Variants in RFC3 observed in about 807,000 individuals in gnomAD.
RFC3 encodes replication factor C subunit 3, also known as A1 38 kDa subunit.
RFC3 carries 41 observed loss-of-function variants against 45.1 expected under a neutral mutation model. The observed-to-expected ratio is 0.91, with a 90% CI of 0.71 to 1.18. RFC3 has a LOEUF of 1.18. Ranked by LOEUF, RFC3 falls within the 50% of genes most tolerant of loss-of-function variation. The probability of loss-of-function intolerance (pLI) is 0.00; values close to 1 mark genes in which losing one functional copy is unlikely to be tolerated. For synonymous variants in RFC3, 149 were observed against 144.0 expected (o/e 1.03, Z -0.25); for missense variants, 423 against 428.1 (o/e 0.99, Z 0.10).
At chr13:33,947,217 G>A (rs2082959882) in intron 8 of RFC3, among the ~76,000 whole-genome samples, 1 of 152,060 alleles carries the variant, frequency 6.6e-6, no homozygotes, top group Non-Finnish European at 1.5e-5. Context: ...TGGACCATGG[G>A]GGTGATTTCC....
intron 8 of RFC3, among the ~76,000 whole-genome samples, chr13:33,947,038 A>G (rs1400780579): frequency 6.6e-6 from 1 of 152,234 alleles, no homozygotes. Flanking sequence ...CTTAAACCAC[A>G]TTTAGTAACA....
intron 8 of RFC3, among the ~76,000 whole-genome samples, chr13:33,907,118 C>A (rs1464985587): frequency 6.6e-6 from 1 of 152,108 alleles, no homozygotes; most frequent in African/African-American, 2.4e-5. Context: ...GCCACTGCCA[C>A]TAGCTGTGAT....
At chr13:33,858,042 A>C (rs549899915) in intron 8 of RFC3, among the ~76,000 whole-genome samples, 1 of 152,356 alleles carries the variant, frequency 6.6e-6, no homozygotes, top group East Asian at 1.9e-4. Context: ...AGATACTAAC[A>C]TGAGTTGACA....
In RFC3 at chr13:33,965,568, G is replaced by C. The variant is rs894946202; in HGVS notation, c.880-519G>C. On this transcript the variant is annotated intron_variant, in intron 8 of 8. Transcript: ENST00000434425. ...CTCTATCATGAAGCAATGTAAGACT[G>C]TATGTTCCTCACACGGGTATTGTGA... Among the ~76,000 whole-genome samples, 35 of 152,154 alleles carry C rather than the reference G, an allele frequency of 2.3e-4. 2 individuals carry two copies. The highest frequency in any genetic ancestry group is 2.9e-5 in the Non-Finnish European group (2 of 68,034).
chr13:33,950,106 C>CA (rs61219787), intron 8 of RFC3, among the ~76,000 whole-genome samples: 6 of 148,908 alleles, frequency 4.0e-5, no homozygotes, highest in Admixed American at 6.7e-5. Flanking sequence ...CACACACACA[C>CA]CCCGTTATGG....
intron 8 of RFC3, among the ~76,000 whole-genome samples, chr13:33,946,691 T>C (rs1301070027): frequency 6.6e-6 from 1 of 152,240 alleles, no homozygotes; most frequent in East Asian, 1.9e-4. Context: ...AATATGTTGC[T>C]ACGGATGAAG....
intron 8 of RFC3, among the ~76,000 whole-genome samples, chr13:33,854,064 A>G (rs2082294066): frequency 6.6e-6 from 1 of 152,246 alleles, no homozygotes; most frequent in South Asian, 2.1e-4. Context: ...GGAAGGTAGT[A>G]GAAAGATACG....
At chr13:33,871,538 C>G (rs571034861) in intron 8 of RFC3, among the ~76,000 whole-genome samples, 1 of 152,326 alleles carries the variant, frequency 6.6e-6, no homozygotes, top group African/African-American at 2.4e-5. Flanking sequence ...GGGATAATCT[C>G]CCACTTCCAG....
At chr13:33,874,024 CTT>C (rs1282870146) in intron 8 of RFC3, among the ~76,000 whole-genome samples, 2 of 152,022 alleles carry the variant, frequency 1.3e-5, no homozygotes, top group African/African-American at 2.4e-5. Flanking sequence ...CTCTATAAAA[CTT>C]TAATGTTATT....
chr13:33,850,389 A>G (rs1400720760), intron 8 of RFC3: 14 of 152,148 alleles, frequency 9.2e-5, no homozygotes, highest in Admixed American at 9.2e-4. Flanking sequence ...AATAAAATGT[A>G]TCTATTTTGA....
chr13:33,819,770 A>G (rs2081984663), intron 1 of RFC3, among the ~76,000 whole-genome samples: 1 of 152,312 alleles, frequency 6.6e-6, no homozygotes, highest in South Asian at 2.1e-4. Flanking sequence ...ATTTAATATA[A>G]TGGTCTTATG....
At chr13:33,893,438 CT>C (rs1455166490) in intron 8 of RFC3, among the ~76,000 whole-genome samples, 1 of 151,986 alleles carries the variant, frequency 6.6e-6, no homozygotes, top group Non-Finnish European at 1.5e-5. Flanking sequence ...ATAACTAACT[CT>C]TTAATACAAA....
chr13:33,848,600 C>T (rs553148177), intron 8 of RFC3: 5 of 152,158 alleles, frequency 3.3e-5, no homozygotes, highest in Non-Finnish European at 7.3e-5. Flanking sequence ...TGACCCCTCT[C>T]TCCATTTTGA....
intron 1 of RFC3, among the ~76,000 whole-genome samples, chr13:33,818,821 T>A (rs2081973171): frequency 6.6e-6 from 1 of 152,176 alleles, no homozygotes; most frequent in African/African-American, 2.4e-5. Context: ...TAAATATGTA[T>A]TTACTCCAAA....
At chr13:33,888,343 C>T (rs2082540199) in intron 8 of RFC3, among the ~76,000 whole-genome samples, 1 of 152,322 alleles carries the variant, frequency 6.6e-6, no homozygotes, top group Non-Finnish European at 1.5e-5. Context: ...AGACTTACCT[C>T]ACATGGTGCC....
chr13:33,885,080 A>G (rs1479812451), intron 8 of RFC3, among the ~76,000 whole-genome samples: 5 of 152,156 alleles, frequency 3.3e-5, no homozygotes, highest in African/African-American at 7.2e-5. Context: ...GCCACCTTTG[A>G]GCCTATAATG....
chr13:33,968,309 G>A (rs756160825), downstream of RFC3, among the ~76,000 whole-genome samples: 6 of 152,210 alleles, frequency 3.9e-5, no homozygotes, highest in Non-Finnish European at 7.4e-5. Flanking sequence ...TGTAATTTTC[G>A]TAGAGACGAG....
At chr13:33,873,056 T>C (rs1049442605) in intron 8 of RFC3, among the ~76,000 whole-genome samples, 1 of 152,106 alleles carries the variant, frequency 6.6e-6, no homozygotes, top group Non-Finnish European at 1.5e-5. Context: ...GGAAAAGATT[T>C]CTATGAACCT....
chr13:33,936,924 G>T (rs751733955), intron 8 of RFC3, among the ~76,000 whole-genome samples: 8 of 152,146 alleles, frequency 5.3e-5, no homozygotes, highest in Non-Finnish European at 1.2e-4. Flanking sequence ...AAACACTACT[G>T]TACTGTATAC....
Sources: allele counts gnomAD v4.1 joint callset (sites outside exome capture counted in the v4.1 genomes callset), GRCh38; gene constraint gnomAD v4.1.1; transcripts MANE v1.5; gene names NCBI Gene and HGNC (gene_info 2026-07-23, HGNC 2026-07-21).